DENND1B: variants seen among roughly 807,000 people sequenced by gnomAD.
The protein encoded by DENND1B is DENN domain containing 1B, also known as DENN domain-containing protein 1B.
In DENND1B, 59 loss-of-function variants were observed where a neutral mutation model predicts 90.1. The observed-to-expected ratio is 0.65, with a 90% confidence interval of 0.53 to 0.81. DENND1B has a LOEUF of 0.81. Ranked by LOEUF, DENND1B falls within the 40% of genes least tolerant of loss-of-function variation. DENND1B has a pLI of 0.00. For synonymous variants in DENND1B, 337 were observed against 324.6 expected (o/e 1.04, Z -0.41); for missense variants, 862 against 912.6 (o/e 0.94, Z 0.71).
chr1:197,561,199 C>T (rs952564727), intron 15 of DENND1B, among the ~76,000 whole-genome samples: 3 of 151,900 alleles, frequency 2.0e-5, no homozygotes, highest in Admixed American at 6.6e-5. Context: ...TTTGTGTCTA[C>T]GTCCTCTCCT....
At chr1:197,549,444 G>A (rs1431220930) in intron 16 of DENND1B, among the ~76,000 whole-genome samples, 1 of 151,968 alleles carries the variant, frequency 6.6e-6, no homozygotes, top group Non-Finnish European at 1.5e-5. Flanking sequence ...GTAAACTAAG[G>A]AAGAAACACA....
At chr1:197,577,531 T>C (rs1673793015) in intron 15 of DENND1B, among the ~76,000 whole-genome samples, 1 of 152,142 alleles carries the variant, frequency 6.6e-6, no homozygotes, top group South Asian at 2.1e-4. Flanking sequence ...TCCTTAGCCA[T>C]GGTGAATGTA....
chr1:197,640,345 C>A (rs982058641), intron 10 of DENND1B, among the ~76,000 whole-genome samples: 1 of 151,472 alleles, frequency 6.6e-6, no homozygotes. Flanking sequence ...TGGTGGCAGG[C>A]GCCTGTACTC....
chr1:197,625,611 G>A (rs1424721234), intron 10 of DENND1B, among the ~76,000 whole-genome samples: 2 of 151,898 alleles, frequency 1.3e-5, no homozygotes, highest in African/African-American at 2.4e-5. Context: ...ATCAACTAAC[G>A]AGCAAAATCA....
intron 7 of DENND1B, 90 bp downstream of exon 7, chr1:197,652,145 T>G: frequency 1.0e-6 from 1 of 991,680 alleles, no homozygotes; most frequent in East Asian, 2.6e-5. Context: ...AGAGATGACT[T>G]GGTAAAGAAT....
intron 11 of DENND1B, among the ~76,000 whole-genome samples, chr1:197,613,845 GA>G (rs1037879616): frequency 6.6e-6 from 1 of 150,836 alleles, no homozygotes; most frequent in Admixed American, 6.6e-5. Context: ...TTATAATACA[GA>G]AAAGCCCATG....
intron 15 of DENND1B, among the ~76,000 whole-genome samples, chr1:197,561,956 T>C (rs1672203927): frequency 6.6e-6 from 1 of 151,788 alleles, no homozygotes. Flanking sequence ...AATAGTTTTC[T>C]AAATCTTCTT....
In DENND1B at chr1:197,546,005, C is replaced by T. The variant is rs1202036983; in HGVS notation, c.1282-15G>A. 1.3e-6 allele frequency: 2 copies of T among 1,585,294 alleles called. No homozygotes were observed. Among genetic ancestry groups the T allele is most frequent in the Non-Finnish European group, 8.5e-7 (1 of 1,171,564 alleles). On this transcript the variant is annotated splice_polypyrimidine_tract_variant and intron_variant, in intron 17 of 22. Transcript: ENST00000620048. Reference sequence around the variant, plus strand: ...GCACCTCCTTTCTGCAAAAGAAAAACAGAAACATATTTCCAAAAACTTTTA... The same window carrying T: ...GCACCTCCTTTCTGCAAAAGAAAAATAGAAACATATTTCCAAAAACTTTTA...
chr1:197,535,988 G>A (rs970095285), intron 20 of DENND1B, among the ~76,000 whole-genome samples: 6 of 151,932 alleles, frequency 3.9e-5, no homozygotes, highest in African/African-American at 1.5e-4. Context: ...AAGCATTAAA[G>A]GGGGAGTGGG....
intron 16 of DENND1B, among the ~76,000 whole-genome samples, chr1:197,547,933 T>G (rs927637801): frequency 1.3e-5 from 2 of 152,202 alleles, no homozygotes; most frequent in African/African-American, 4.8e-5. Flanking sequence ...CTACTAAAAA[T>G]GGCTGAGTGG....
upstream of DENND1B, chr1:197,775,512 C>T (rs927551833): frequency 1.1e-5 from 2 of 179,572 alleles, no homozygotes; most frequent in Non-Finnish European, 2.3e-5. Flanking sequence ...GGGGAAGGGG[C>T]GCGCGGGGAC....
At chr1:197,542,329 T>G (rs1264199880) in intron 18 of DENND1B, among the ~76,000 whole-genome samples, 1 of 152,172 alleles carries the variant, frequency 6.6e-6, no homozygotes, top group Non-Finnish European at 1.5e-5. Flanking sequence ...AAAAAAATTT[T>G]AACTATAAAA....
intron 2 of DENND1B, among the ~76,000 whole-genome samples, chr1:197,738,235 G>T (rs1396397526): frequency 1.3e-5 from 2 of 152,136 alleles, no homozygotes; most frequent in Admixed American, 1.3e-4. Context: ...AAATGATTTT[G>T]AACCAATGCT....
intron 6 of DENND1B, among the ~76,000 whole-genome samples, chr1:197,653,404 T>C (rs965352375): frequency 3.9e-5 from 6 of 152,084 alleles, no homozygotes; most frequent in Admixed American, 2.0e-4. Context: ...GTGGCTCATA[T>C]TGATATTCTG....
chr1:197,725,500 A>T (rs1270083167), intron 2 of DENND1B, among the ~76,000 whole-genome samples: 2 of 152,234 alleles, frequency 1.3e-5, no homozygotes, highest in African/African-American at 2.4e-5. Context: ...ACATATATAT[A>T]AAACAATGTT....
intron 10 of DENND1B, among the ~76,000 whole-genome samples, chr1:197,628,562 C>T (rs1207293783): frequency 6.6e-6 from 1 of 152,116 alleles, no homozygotes; most frequent in African/African-American, 2.4e-5. Flanking sequence ...AGACCTAAAA[C>T]CATAAAAACC....
At chr1:197,627,136 C>G (rs1678826806) in intron 10 of DENND1B, among the ~76,000 whole-genome samples, 1 of 152,038 alleles carries the variant, frequency 6.6e-6, no homozygotes, top group Admixed American at 6.6e-5. Context: ...TGAAACTATT[C>G]CAATCAATAG....
At chr1:197,513,400 GC>G (rs1668172275) in intron 20 of DENND1B, among the ~76,000 whole-genome samples, 1 of 151,532 alleles carries the variant, frequency 6.6e-6, no homozygotes, top group African/African-American at 2.4e-5. Flanking sequence ...ATCTTAATGT[GC>G]GTATAAATCG....
At chr1:197,567,576 G>A (rs868190972) in intron 15 of DENND1B, among the ~76,000 whole-genome samples, 5 of 152,188 alleles carry the variant, frequency 3.3e-5, no homozygotes, top group East Asian at 1.9e-4. Flanking sequence ...AAACATAGAT[G>A]CAAAAATCTT....
Sources: allele counts gnomAD v4.1 joint callset (sites outside exome capture counted in the v4.1 genomes callset), GRCh38; gene constraint gnomAD v4.1.1; transcripts MANE v1.5; gene names NCBI Gene and HGNC (gene_info 2026-07-23, HGNC 2026-07-21).